The following L2HGDH variants were observed in gnomAD, a reference collection of about 807,000 sequenced individuals.
The protein encoded by L2HGDH is L-2-hydroxyglutarate dehydrogenase, mitochondrial.
A neutral mutation model predicts 51.5 loss-of-function variants in L2HGDH; 34 were observed. The observed-to-expected ratio is 0.66, with a 90% CI of 0.50 to 0.88. The LOEUF is 0.88. Ranked by LOEUF, L2HGDH falls within the 40% of genes least tolerant of loss-of-function variation. L2HGDH has a pLI of 0.00. For missense variants in L2HGDH, 558 were observed against 571.9 expected (o/e 0.98, Z 0.25); for synonymous variants, 198 against 197.9 (o/e 1.00, Z -0.01).
chr14:50,272,127 T>C (rs1185518186), intron 6 of L2HGDH, among the ~76,000 whole-genome samples: 1 of 152,104 alleles, frequency 6.6e-6, no homozygotes, highest in East Asian at 1.9e-4. Context: ...GGTAACAGAG[T>C]GAGACTGTCT....
chr14:50,283,082 T>A (rs1448449511), intron 5 of L2HGDH, among the ~76,000 whole-genome samples: 1 of 151,356 alleles, frequency 6.6e-6, no homozygotes, highest in Non-Finnish European at 1.5e-5. Context: ...GCACCTATAG[T>A]TTCAGCTACT....
intron 2 of L2HGDH, among the ~76,000 whole-genome samples, chr14:50,302,665 C>T (rs967404725): frequency 6.6e-6 from 1 of 152,248 alleles, no homozygotes; most frequent in East Asian, 1.9e-4. Flanking sequence ...TTTCCTCACC[C>T]CCTCACTCCT....
intron 9 of L2HGDH, among the ~76,000 whole-genome samples, chr14:50,259,180 C>G (rs1460043164): frequency 1.3e-5 from 2 of 151,210 alleles, no homozygotes; most frequent in African/African-American, 2.4e-5. Flanking sequence ...GACATGTTGT[C>G]TTGCTAAGCT....
chr14:50,282,277 A>T lies in L2HGDH; in HGVS notation c.703+1594T>A, dbSNP rs544813299. Reference sequence around the variant, plus strand: ...CAAAGAACGATCTGGCCCCAATATCAATAGTGTCAGGATTAAGAAACCCTT... The same window carrying T: ...CAAAGAACGATCTGGCCCCAATATCTATAGTGTCAGGATTAAGAAACCCTT... On this transcript the variant is annotated intron_variant, in intron 5 of 9. Coordinates refer to ENST00000267436, the MANE Select transcript of L2HGDH (RefSeq NM_024884.3). 2.6e-5 allele frequency among the ~76,000 whole-genome samples: 4 copies of T among 152,198 alleles called. No homozygotes were observed. The South Asian group carries it at 8.3e-4, about 32-fold the overall frequency.
chr14:50,267,670 T>C (rs1381416210), intron 8 of L2HGDH, 83 bp downstream of exon 8: 8 of 1,039,710 alleles, frequency 7.7e-6, no homozygotes, highest in Non-Finnish European at 1.0e-5. Context: ...ATTTACCCAA[T>C]AAGTAGAGTA....
At chr14:50,285,590 G>A (rs1890524141) in intron 4 of L2HGDH, among the ~76,000 whole-genome samples, 1 of 152,202 alleles carries the variant, frequency 6.6e-6, no homozygotes, top group South Asian at 2.1e-4. Flanking sequence ...ATTAGTCCAT[G>A]AAAACTTCCT....
intron 6 of L2HGDH, among the ~76,000 whole-genome samples, chr14:50,272,378 TC>T (rs1249096078): frequency 1.2e-4 from 18 of 152,200 alleles, no homozygotes; most frequent in Admixed American, 9.8e-4. Context: ...AAACAGATTT[TC>T]AATTCTTCTT....
intron 5 of L2HGDH, among the ~76,000 whole-genome samples, chr14:50,282,766 GCA>G (rs1890342848): frequency 6.6e-6 from 1 of 152,178 alleles, no homozygotes; most frequent in South Asian, 2.1e-4. Flanking sequence ...TATTGGCCAG[GCA>G]CAGTGGCTCA....
Position 50,245,105 on chromosome 14 carries a change from C to G in L2HGDH, c.*1953G>C, listed in dbSNP as rs879414969. 1.0e-6 allele frequency: 1 copy of G among 985,538 alleles called. No homozygotes were observed. The highest frequency in any genetic ancestry group is 1.2e-6 in the Non-Finnish European group (1 of 829,898). 61.0% of individuals were successfully genotyped at this position (985,538 alleles called of 1,614,324 possible). On this transcript the variant is annotated 3_prime_UTR_variant, in exon 10 of 10. Transcript: ENST00000267436. ...TCATGAGGTGAATGTAAGGCACTTTCGCGGTTTACAAAAGTGAATGCCTCA... is the reference window on the plus strand; with the variant it reads ...TCATGAGGTGAATGTAAGGCACTTTGGCGGTTTACAAAAGTGAATGCCTCA...
In L2HGDH at chr14:50,306,687, G is replaced by A. The variant is rs541718033; in HGVS notation, c.141-3670C>T. Among the ~76,000 whole-genome samples the A allele has an allele frequency of 5.3e-5, 8 of 151,706 alleles. No individual in the cohort carries two copies. In the East Asian group the frequency reaches 5.8e-4, roughly 11 times the overall value. ...TGGCTGCTGCGTGTTGGTGGATAGC[G>A]GGAGTAGAGTCGGATACCAGTTAAC... On this transcript the variant is annotated intron_variant, in intron 1 of 9. Transcript: ENST00000267436.
At position 50,251,930 on chromosome 14, in the gene L2HGDH, AAAC is replaced by A. The variant is rs1888376566; in HGVS notation, c.1197-4680_1197-4678del. The stretch of plus-strand genomic sequence containing the variant: ...CAAGAAGAAATCATATAAAGGTACA[AAAC>A]TTCCTGATAACAGCAAGCACACATA... On this transcript the variant is annotated intron_variant, in intron 9 of 9. Transcript: ENST00000267436. 4.6e-5 allele frequency among the ~76,000 whole-genome samples: 7 copies of A among 152,244 alleles called. 1 individual carries two copies. In the South Asian group the frequency reaches 1.4e-3, roughly 32 times the overall value.
intron 1 of L2HGDH, among the ~76,000 whole-genome samples, chr14:50,307,907 T>G (rs1408124046): frequency 6.6e-6 from 1 of 151,968 alleles, no homozygotes; most frequent in South Asian, 2.1e-4. Flanking sequence ...GGACTTAGAG[T>G]TGACATCAAA....
chr14:50,291,095 G>T (rs977747590), intron 4 of L2HGDH, among the ~76,000 whole-genome samples: 1 of 147,414 alleles, frequency 6.8e-6, no homozygotes, highest in African/African-American at 2.5e-5. Context: ...CCACTTGGGA[G>T]CCTGAGGCAG....
At chr14:50,296,411 C>T (rs1277349909) in intron 3 of L2HGDH, among the ~76,000 whole-genome samples, 1 of 130,186 alleles carries the variant, frequency 7.7e-6, no homozygotes, top group Non-Finnish European at 1.6e-5. Context: ...ATATGAAGGA[C>T]ATGACTACCA....
chr14:50,269,279 C>T lies in L2HGDH; in HGVS notation c.790G>A (p.Asp264Asn). 6.2e-7 allele frequency: 1 copy of T among 1,614,098 alleles called. No individual in the cohort carries two copies. Among genetic ancestry groups the T allele is most frequent in the South Asian group, 1.1e-5 (1 of 91,080 alleles). Reference protein sequence around the residue: ...YVVTCAGLYSDRISELSGCTP... With the variant: ...YVVTCAGLYSNRISELSGCTP... ...CAGCCACTCAACTCTGAAATACGGT[C>T]TGAGTAAAGTCCTGCACATGTCACA... Residue 264 changes from aspartate to asparagine, a missense_variant, in exon 7 of 10, where the codon GAC becomes AAC. Around this residue, in one of 3 missense-constraint regions of L2HGDH, gnomAD observed 321 missense variants for 311.8 expected, o/e 1.03. Transcript: ENST00000267436.
intron 8 of L2HGDH, 139 bp from the exon 9 acceptor site, chr14:50,265,628 T>G (rs1889292239): frequency 1.2e-6 from 1 of 824,816 alleles, no homozygotes; most frequent in East Asian, 2.8e-5. Flanking sequence ...TAAAAGAAAA[T>G]CAAGGCCAGG....
At chr14:50,269,930 A>C (rs561339103) in intron 6 of L2HGDH, among the ~76,000 whole-genome samples, 1 of 152,344 alleles carries the variant, frequency 6.6e-6, no homozygotes, top group South Asian at 2.1e-4. Context: ...CTGGCACTGA[A>C]GTCGAAGGGC....
At chr14:50,259,366 G>GGTTTTTTTTTT (rs759718499) in intron 9 of L2HGDH, among the ~76,000 whole-genome samples, 2 of 130,696 alleles carry the variant, frequency 1.5e-5, no homozygotes. Context: ...TTCTTTTTCG[G>GGTTTTTTTTTT]TTTTTTTTTT....
At chr14:50,291,321 A>G (rs1328917550) in intron 4 of L2HGDH, among the ~76,000 whole-genome samples, 1 of 152,082 alleles carries the variant, frequency 6.6e-6, no homozygotes, top group Non-Finnish European at 1.5e-5. Flanking sequence ...TTGACCATTT[A>G]GAATTTGCTC....
Sources: gnomAD v4.1 joint callset for allele counts (sites outside exome capture counted in the v4.1 genomes callset) on GRCh38, gnomAD v4.1.1 for gene constraint, gnomAD v4.1.1 regional missense constraint, MANE v1.5 for transcripts, NCBI Gene and HGNC (gene_info 2026-07-23, HGNC 2026-07-21) for gene names.